GREB1L: variants seen among roughly 807,000 people sequenced by gnomAD.
The protein encoded by GREB1L is GREB1-like protein.
GREB1L carries 17 observed loss-of-function variants against 200.8 expected under a neutral mutation model. The ratio of observed to expected loss-of-function variants is 0.08; its 90% CI spans 0.06 to 0.13. The LOEUF (loss-of-function observed/expected upper bound fraction) is 0.13. Among genes scored for constraint, GREB1L ranks in the 10% least tolerant of loss-of-function variants. GREB1L has a pLI of 1.00. For synonymous variants in GREB1L, 789 were observed against 893.0 expected, an observed-to-expected ratio of 0.88 and a Z score of 2.08; for missense variants, 1,657 against 2,367.7, an observed-to-expected ratio of 0.70 and a Z score of 6.23.
intron 1 of GREB1L, among the ~76,000 whole-genome samples, chr18:21,319,755 C>T (rs1219818061): frequency 3.3e-5 from 5 of 152,078 alleles, no homozygotes; most frequent in Admixed American, 6.5e-5. Flanking sequence ...TGCTGAAGAT[C>T]GGAGACAAAG....
At chr18:21,460,431 C>T (rs144857262) in intron 15 of GREB1L, among the ~76,000 whole-genome samples, 5 of 152,062 alleles carry the variant, frequency 3.3e-5, no homozygotes, top group Admixed American at 6.6e-5. Flanking sequence ...CTGCAACCTC[C>T]GCCTCCCGGG....
chr18:21,449,597 A>G lies in GREB1L; in HGVS notation c.1481A>G (p.Gln494Arg), dbSNP rs1314004502. ...QEFTLRERAL[Q>R]IGAQCVPVSP... ...TTTACTCTGAGAGAAAGAGCCCTGC[A>G]GATAGGTGCTCAGTGTGTCCCTGTG... is the stretch of plus-strand genomic sequence containing the variant. The change falls in exon 12 of 33, where the codon CAG (glutamine) becomes CGG (arginine). Residue 494 changes from glutamine (Q) to arginine (R), a missense_variant. By Grantham distance (43) the Gln-to-Arg change is conservative (BLOSUM62 1). Coordinates refer to ENST00000424526, the MANE Select transcript of GREB1L (RefSeq NM_001142966.3). The G allele has an allele frequency of 6.4e-7, 1 of 1,551,428 alleles. No homozygotes were observed. The highest frequency in any genetic ancestry group is 8.7e-7 in the Non-Finnish European group (1 of 1,146,778).
intron 1 of GREB1L, among the ~76,000 whole-genome samples, chr18:21,244,025 C>G (rs1400924315): frequency 6.6e-6 from 1 of 152,116 alleles, no homozygotes. Context: ...GAATATAAGA[C>G]TGAACTATAT....
chr18:21,400,418 C>T (rs1301957019), intron 5 of GREB1L, among the ~76,000 whole-genome samples: 1 of 152,128 alleles, frequency 6.6e-6, no homozygotes, highest in Non-Finnish European at 1.5e-5. Flanking sequence ...TCATGGAACT[C>T]CTGTCAGAAA....
chr18:21,432,185 A>C lies in GREB1L; in HGVS notation c.833-7336A>C, dbSNP rs563846562. Among the ~76,000 whole-genome samples, 408 of 152,046 alleles carry C rather than the reference A, an allele frequency of 2.7e-3. 2 individuals are homozygous for C. The highest frequency in any genetic ancestry group is 4.9e-3 in the Non-Finnish European group (335 of 67,978). On this transcript the variant is annotated intron_variant, in intron 7 of 32. Coordinates refer to ENST00000424526, the MANE Select transcript of GREB1L (RefSeq NM_001142966.3). ...TGATCCGCCCACCTCGGCCTCCCAAAGTCCTGGGATTACAGGCGTGAGCCA... is the reference window on the plus strand; with the variant it reads ...TGATCCGCCCACCTCGGCCTCCCAACGTCCTGGGATTACAGGCGTGAGCCA...
Position 21,520,838 on chromosome 18 carries a change from G to A in GREB1L, c.5608+15G>A. ...ATTTCTAAAAGGTAAGTCAAATTTA[G>A]TATCTTGCTTGTAATTGCTATTGGT... On this transcript the variant is annotated intron_variant, in intron 32 of 32. Transcript: ENST00000424526. 1.3e-6 allele frequency: 2 copies of A among 1,520,990 alleles called. No individual in the cohort carries two copies. Among genetic ancestry groups the A allele is most frequent in the Non-Finnish European group, 1.8e-6 (2 of 1,129,838 alleles). The allele number at this position is 1,520,990 out of a possible 1,614,324, so 94.2% of individuals were successfully genotyped here.
At chr18:21,304,614 A>G (rs2038670248) in intron 1 of GREB1L, among the ~76,000 whole-genome samples, 1 of 152,206 alleles carries the variant, frequency 6.6e-6, no homozygotes, top group African/African-American at 2.4e-5. Context: ...GGTATCTGAC[A>G]TGTAAGATGT....
intron 1 of GREB1L, among the ~76,000 whole-genome samples, chr18:21,330,291 A>T (rs2039088912): frequency 6.6e-6 from 1 of 152,292 alleles, no homozygotes; most frequent in Non-Finnish European, 1.5e-5. Flanking sequence ...AAATATTTTC[A>T]CAGGGTGCGT....
At chr18:21,298,188 G>T (rs1215964758) in intron 1 of GREB1L, among the ~76,000 whole-genome samples, 1 of 152,132 alleles carries the variant, frequency 6.6e-6, no homozygotes, top group Non-Finnish European at 1.5e-5. Context: ...AGCTAGAATT[G>T]TACCTCTTCT....
At chr18:21,297,083 C>T (rs943900870) in intron 1 of GREB1L, among the ~76,000 whole-genome samples, 2 of 152,246 alleles carry the variant, frequency 1.3e-5, no homozygotes, top group Non-Finnish European at 2.9e-5. Flanking sequence ...CCAGCAGAGC[C>T]GCCCCACCTG....
intron 1 of GREB1L, among the ~76,000 whole-genome samples, chr18:21,302,902 T>C (rs531538357): frequency 6.6e-6 from 1 of 152,228 alleles, no homozygotes; most frequent in East Asian, 1.9e-4. Flanking sequence ...TTTGTATTTT[T>C]AGTAGAGACG....
intron 2 of GREB1L, among the ~76,000 whole-genome samples, chr18:21,369,551 G>A (rs1284076892): frequency 6.6e-6 from 1 of 152,090 alleles, no homozygotes; most frequent in Non-Finnish European, 1.5e-5. Flanking sequence ...CAGCATTGTA[G>A]TCATGATAGT....
At chr18:21,496,313 G>A in intron 20 of GREB1L, 141 bp from the exon 21 acceptor site, 2 of 811,496 alleles carry the variant, frequency 2.5e-6, no homozygotes, top group East Asian at 2.7e-5. Flanking sequence ...AGGTGGCAGA[G>A]CTGAGGTTTC....
At chr18:21,367,653 T>C (rs1445858496) in intron 2 of GREB1L, among the ~76,000 whole-genome samples, 1 of 152,346 alleles carries the variant, frequency 6.6e-6, no homozygotes, top group Middle Eastern at 3.4e-3. Context: ...GGGTGGTACA[T>C]GAAGTGTCAT....
At chr18:21,314,478 GAATAGGA>G (rs2144834920) in intron 1 of GREB1L, among the ~76,000 whole-genome samples, 1 of 152,256 alleles carries the variant, frequency 6.6e-6, no homozygotes, top group African/African-American at 2.4e-5. Context: ...AGTGTCTGTT[GAATAGGA>G]AATGATGGTA....
intron 1 of GREB1L, among the ~76,000 whole-genome samples, chr18:21,249,577 G>C (rs758025648): frequency 6.6e-6 from 1 of 152,108 alleles, no homozygotes; most frequent in Non-Finnish European, 1.5e-5. Context: ...ATATCTGGCC[G>C]GGTGTGGTGG....
chr18:21,423,119 C>T (rs1201366395), intron 7 of GREB1L, among the ~76,000 whole-genome samples: 2 of 151,976 alleles, frequency 1.3e-5, no homozygotes, highest in African/African-American at 2.4e-5. Context: ...TTAGTAGAGA[C>T]GGGGTTTCAC....
At chr18:21,351,015 T>C (rs2143291650) in intron 1 of GREB1L, among the ~76,000 whole-genome samples, 1 of 152,290 alleles carries the variant, frequency 6.6e-6, no homozygotes, top group Non-Finnish European at 1.5e-5. Flanking sequence ...TCTGCCCCTT[T>C]CGTAATAGCA....
chr18:21,369,201 GT>G (rs2039782324), intron 2 of GREB1L, among the ~76,000 whole-genome samples: 2 of 152,152 alleles, frequency 1.3e-5, no homozygotes. Flanking sequence ...CCAGAAGTTT[GT>G]TTTCGGAAAC....
Sources: gnomAD v4.1 joint callset for allele counts (sites outside exome capture counted in the v4.1 genomes callset) on GRCh38, gnomAD v4.1.1 for gene constraint, MANE v1.5 for transcripts, NCBI Gene and HGNC (gene_info 2026-07-23, HGNC 2026-07-21) for gene names.